The following ANKRD11 variants were observed in gnomAD, a reference collection of about 807,000 sequenced individuals.
ANKRD11 encodes ankyrin repeat domain 11, also known as ankyrin repeat domain-containing protein 11.
ANKRD11 carries 17 observed loss-of-function variants against 195.7 expected under a neutral mutation model. The ratio of observed to expected loss-of-function variants is 0.09; its 90% confidence interval spans 0.06 to 0.13. ANKRD11 has a LOEUF of 0.13. Among genes scored for constraint, ANKRD11 ranks in the 10% least tolerant of loss-of-function variants. The pLI is 1.00. For synonymous variants in ANKRD11, 1,953 were observed against 1,528.1 expected (o/e 1.28, Z -6.49); for missense variants, 3,735 against 3,566.1 (o/e 1.05, Z -1.21).
intron 2 of ANKRD11, among the ~76,000 whole-genome samples, chr16:89,385,675 G>T (rs769839983): frequency 2.0e-5 from 3 of 152,210 alleles, no homozygotes; most frequent in African/African-American, 7.2e-5. Flanking sequence ...TCAAAACTAC[G>T]AATTCACTTT....
chr16:89,390,970 T>C (rs1171462030), intron 2 of ANKRD11, among the ~76,000 whole-genome samples: 1 of 152,204 alleles, frequency 6.6e-6, no homozygotes, highest in African/African-American at 2.4e-5. Flanking sequence ...GGCTCACGCC[T>C]GTAATCACAG....
At chr16:89,413,792 G>A (rs1432211464) in intron 2 of ANKRD11, among the ~76,000 whole-genome samples, 1 of 152,146 alleles carries the variant, frequency 6.6e-6, no homozygotes, top group African/African-American at 2.4e-5. Flanking sequence ...GAGGGTGCCA[G>A]GGAGACTCTG....
intron 1 of ANKRD11, among the ~76,000 whole-genome samples, chr16:89,427,732 G>A (rs970650708): frequency 2.0e-5 from 3 of 152,098 alleles, no homozygotes; most frequent in African/African-American, 7.2e-5. Flanking sequence ...CCAGGAGGCA[G>A]AGGTTGCAGT....
At chr16:89,302,449 C>T (rs1458867447) in intron 4 of ANKRD11, among the ~76,000 whole-genome samples, 1 of 152,160 alleles carries the variant, frequency 6.6e-6, no homozygotes. Context: ...GACAGGGTTT[C>T]TTCATGTTGG....
chr16:89,434,277 A>T (rs1254501163), intron 1 of ANKRD11, among the ~76,000 whole-genome samples: 1 of 152,052 alleles, frequency 6.6e-6, no homozygotes, highest in African/African-American at 2.4e-5. Flanking sequence ...TTCCAAGTAA[A>T]TCTAATTTAA....
At chr16:89,450,070 G>C (rs1245886220) in intron 1 of ANKRD11, among the ~76,000 whole-genome samples, 10 of 152,118 alleles carry the variant, frequency 6.6e-5, no homozygotes, top group Admixed American at 5.9e-4. Flanking sequence ...GTGACTTCAG[G>C]ATTTGCAAAC....
At chr16:89,361,208 G>C (rs898351179) in intron 2 of ANKRD11, among the ~76,000 whole-genome samples, 6 of 152,160 alleles carry the variant, frequency 3.9e-5, no homozygotes, top group Non-Finnish European at 5.9e-5. Flanking sequence ...GCACCCCTTA[G>C]GAAACCCCAG....
intron 2 of ANKRD11, among the ~76,000 whole-genome samples, chr16:89,417,797 A>G (rs1034494465): frequency 3.3e-5 from 5 of 152,112 alleles, no homozygotes; most frequent in Non-Finnish European, 5.9e-5. Flanking sequence ...TAACGAGCAG[A>G]ACAGCTCCCA....
chr16:89,276,647 G>C (rs1414897922), intron 9 of ANKRD11, among the ~76,000 whole-genome samples: 1 of 152,242 alleles, frequency 6.6e-6, no homozygotes. Flanking sequence ...CGCACGGCAG[G>C]GTCTCGTCAC....
chr16:89,275,269 G>A, intron 9 of ANKRD11, 78 bp from the exon 10 acceptor site: 3 of 1,304,464 alleles, frequency 2.3e-6, no homozygotes, highest in South Asian at 1.3e-5. Context: ...AGTTCACGGG[G>A]GTCCCGACTC....
At chr16:89,464,276 C>A (rs143343030) in intron 1 of ANKRD11, among the ~76,000 whole-genome samples, 6 of 150,664 alleles carry the variant, frequency 4.0e-5, no homozygotes, top group African/African-American at 1.2e-4. Context: ...GAATCTAACC[C>A]TCTTATCTAA....
chr16:89,304,399 C>A (rs898004312), intron 4 of ANKRD11, among the ~76,000 whole-genome samples: 14 of 150,662 alleles, frequency 9.3e-5, no homozygotes, highest in Non-Finnish European at 7.4e-5. Context: ...CACACATGGG[C>A]ATACACACAT....
chr16:89,422,823 TCTGA>T (rs2042569032), intron 1 of ANKRD11, among the ~76,000 whole-genome samples: 1 of 152,244 alleles, frequency 6.6e-6, no homozygotes, highest in African/African-American at 2.4e-5. Flanking sequence ...TTCAGGAGAC[TCTGA>T]CTGACACAAC....
chr16:89,408,239 C>T (rs1224007724), intron 2 of ANKRD11, among the ~76,000 whole-genome samples: 2 of 152,242 alleles, frequency 1.3e-5, no homozygotes, highest in African/African-American at 4.8e-5. Context: ...AGCGCTGTTC[C>T]CTCAGAAGCC....
chr16:89,447,764 A>C (rs1039907409), intron 1 of ANKRD11, among the ~76,000 whole-genome samples: 3 of 149,708 alleles, frequency 2.0e-5, no homozygotes, highest in African/African-American at 7.4e-5. Context: ...TACATGTACC[A>C]GCATTTATCT....
At chr16:89,273,347 T>A (rs2033348797) in intron 11 of ANKRD11, among the ~76,000 whole-genome samples, 1 of 152,150 alleles carries the variant, frequency 6.6e-6, no homozygotes. Context: ...GGTACAAGAA[T>A]GCAAACTTAT....
At chr16:89,310,883 T>C (rs938127687) in intron 3 of ANKRD11, among the ~76,000 whole-genome samples, 1 of 152,232 alleles carries the variant, frequency 6.6e-6, no homozygotes, top group Non-Finnish European at 1.5e-5. Context: ...TGTTCCTCTT[T>C]CCTCTTCAGT....
chr16:89,313,195 G>A, intron 3 of ANKRD11: 1 of 1,045,776 alleles, frequency 9.6e-7, no homozygotes. Flanking sequence ...GGGGCTGTGA[G>A]GCTGCCTGTG....
At position 89,291,128 on chromosome 16, in the gene ANKRD11, G is replaced by A. The variant is rs139469151; in HGVS notation, c.282C>T (p.Ala94=). 8.1e-6 allele frequency: 13 copies of A among 1,613,814 alleles called. No individual in the cohort carries two copies. Among genetic ancestry groups the A allele is most frequent in the East Asian group, 4.5e-5 (2 of 44,890 alleles). The stretch of plus-strand genomic sequence containing the variant: ...ACAGCCCCATGCCAAACAGCAGCCC[G>A]GCCTTCCGGGTGACAGGCTCCTTCT... ...RIKKEPVTRK[A]GLLFGMGLSG... Residue 94 remains alanine, a synonymous_variant, in exon 5 of 13, where the codon GCC becomes GCT. Coordinates refer to ENST00000301030, the MANE Select transcript of ANKRD11 (RefSeq NM_013275.6). The surrounding 1 kb of genome is among the most constrained non-coding windows in gnomAD (Gnocchi z 5.3).
Sources: allele counts gnomAD v4.1 joint callset (sites outside exome capture counted in the v4.1 genomes callset), GRCh38; gene constraint gnomAD v4.1.1; non-coding constraint Gnocchi (gnomAD v3.1); transcripts MANE v1.5; gene names NCBI Gene and HGNC (gene_info 2026-07-23, HGNC 2026-07-21).